Variants in SPATS2L observed in about 807,000 individuals in gnomAD.
The protein encoded by SPATS2L is spermatogenesis associated serine rich 2 like, also known as SPATS2-like protein.
Under a neutral mutation model 59.6 loss-of-function variants are expected in SPATS2L, and 30 were observed. That is an observed-to-expected ratio of 0.50 (90% CI 0.38 to 0.68). The LOEUF (loss-of-function observed/expected upper bound fraction) is 0.68. Ranked by LOEUF, SPATS2L falls within the 30% of genes least tolerant of loss-of-function variation. The pLI is 0.00. For synonymous variants in SPATS2L, 252 were observed against 263.5 expected (o/e 0.96, Z 0.42); for missense variants, 615 against 700.0 (o/e 0.88, Z 1.37).
chr2:200,480,776 CTG>C lies in SPATS2L; in HGVS notation c.*2747_*2748del, dbSNP rs1271991680. 6.6e-6 allele frequency: 1 copy of C among 152,252 alleles called. No homozygotes were observed. The highest frequency in any genetic ancestry group is 1.5e-5 in the Non-Finnish European group (1 of 68,050). The allele number at this position is 152,252 out of a possible 1,614,324, so 9.4% of individuals were successfully genotyped here. On this transcript the variant is annotated 3_prime_UTR_variant, in exon 13 of 13. Transcript: ENST00000409140. Reference sequence around the variant, plus strand: ...GTGCCAATGTCAGGCCGCTTAAACACTGTATTACATATCTTCATCTGTCTGGT... The same window carrying C: ...GTGCCAATGTCAGGCCGCTTAAACACTATTACATATCTTCATCTGTCTGGT...
At chr2:200,440,238 AC>A (rs2084603408) in intron 7 of SPATS2L, among the ~76,000 whole-genome samples, 1 of 151,926 alleles carries the variant, frequency 6.6e-6, no homozygotes, top group Admixed American at 6.6e-5. Flanking sequence ...TCTCATTTGT[AC>A]CTCTCCCAGT....
In SPATS2L at chr2:200,440,887, A is replaced by G. The variant is rs2084651593; in HGVS notation, c.788+103A>G. 3.8e-6 allele frequency: 5 copies of G among 1,315,386 alleles called. No homozygotes were observed. In the African/African-American group the frequency reaches 5.9e-5, roughly 15 times the overall value. 81.5% of individuals were successfully genotyped at this position (1,315,386 alleles called of 1,614,324 possible). On this transcript the variant is annotated intron_variant, in intron 8 of 12. Coordinates refer to ENST00000409140, the MANE Select transcript of SPATS2L (RefSeq NM_001100423.2). ...GTTGTTTATTTAATACATAAACATC[A>G]CAGAATAACTCTCCAGCAAATTTTG... is the stretch of plus-strand genomic sequence containing the variant.
chr2:200,411,014 C>CAT lies in SPATS2L; in HGVS notation c.40-1281_40-1280dup, dbSNP rs72177636. 1.0e-2 allele frequency among the ~76,000 whole-genome samples: 1,459 copies of CAT among 146,262 alleles called. 11 individuals carry two copies. The highest frequency in any genetic ancestry group is 0.014 in the Middle Eastern group (4 of 278). On this transcript the variant is annotated intron_variant, in intron 3 of 12. Transcript: ENST00000409140. ...TGTATGTGTGTGACTCACACACATA[C>CAT]ATATATATATATATATACATATATA...
chr2:200,306,381 G>C (rs1479966329), upstream of SPATS2L: 43 of 1,002,130 alleles, frequency 4.3e-5, no homozygotes, highest in Non-Finnish European at 4.8e-5. Context: ...GGAGGTTTGG[G>C]GAAAGGCGAG....
Position 200,433,474 on chromosome 2 carries a change from T to C in SPATS2L, c.446-5648T>C, listed in dbSNP as rs559776613. On this transcript the variant is annotated intron_variant, in intron 6 of 12. Transcript: ENST00000409140. ...AGTATGGTGTCTGAACACAGTAGAA[T>C]TGAATTAACAATAGCAATAAGATAA... 1.3e-3 allele frequency among the ~76,000 whole-genome samples: 205 copies of C among 152,214 alleles called. 5 individuals are homozygous for C. In the South Asian group the frequency reaches 0.042, roughly 31 times the overall value.
chr2:200,454,065 A>G (rs545425630), intron 8 of SPATS2L, among the ~76,000 whole-genome samples: 2 of 152,264 alleles, frequency 1.3e-5, no homozygotes, highest in Admixed American at 1.3e-4. Context: ...TACTTTCCCC[A>G]CAAGAAGGTT....
At chr2:200,366,554 G>A (rs1479880617) in intron 2 of SPATS2L, among the ~76,000 whole-genome samples, 1 of 152,140 alleles carries the variant, frequency 6.6e-6, no homozygotes, top group African/African-American at 2.4e-5. Context: ...AAAAAAGTCT[G>A]CAAATATTGA....
At chr2:200,412,489 T>G in intron 4 of SPATS2L, 70 bp downstream of exon 4, 1 of 835,396 alleles carries the variant, frequency 1.2e-6, no homozygotes, top group Non-Finnish European at 1.8e-6. Context: ...TATTTTTTCC[T>G]TAAATGAACT....
In SPATS2L at chr2:200,479,879, C is replaced by T. The variant is rs888218845; in HGVS notation, c.*1848C>T. The T allele has an allele frequency of 1.3e-5, 5 of 397,370 alleles. No individual in the cohort carries two copies. Among genetic ancestry groups the T allele is most frequent in the African/African-American group, 1.0e-4 (5 of 48,546 alleles). The allele number at this position is 397,370 out of a possible 1,614,324, so 24.6% of individuals were successfully genotyped here. ...GAGCTTTCTGAGGTCTCTGGGTGTA[C>T]CCAGAGATTTAATAGAAATTCTTAA... is the stretch of plus-strand genomic sequence containing the variant. On this transcript the variant is annotated 3_prime_UTR_variant, in exon 13 of 13. Coordinates refer to ENST00000409140, the MANE Select transcript of SPATS2L (RefSeq NM_001100423.2).
At position 200,478,047 on chromosome 2, in the gene SPATS2L, A is replaced by G. The variant is rs758166977; in HGVS notation, c.*16A>G. 2.0e-6 allele frequency: 3 copies of G among 1,524,198 alleles called. No homozygotes were observed. The highest frequency in any genetic ancestry group is 2.6e-6 in the Non-Finnish European group (3 of 1,137,858). 94.4% of individuals were successfully genotyped at this position (1,524,198 alleles called of 1,614,324 possible). ...GGTGGCCTGAGCTAGGAGGAAAAAG[A>G]GCAGTTTTCACTCAGTTTTGGTTCC... On this transcript the variant is annotated 3_prime_UTR_variant, in exon 13 of 13. Coordinates refer to ENST00000409140, the MANE Select transcript of SPATS2L (RefSeq NM_001100423.2).
At chr2:200,426,425 G>A (rs572537371) in intron 6 of SPATS2L, among the ~76,000 whole-genome samples, 21 of 152,236 alleles carry the variant, frequency 1.4e-4, no homozygotes, top group African/African-American at 5.1e-4. Flanking sequence ...ATATGAGCAT[G>A]CATTTTTGAA....
intron 12 of SPATS2L, among the ~76,000 whole-genome samples, chr2:200,473,697 A>T (rs2087257470): frequency 6.6e-6 from 1 of 152,070 alleles, no homozygotes; most frequent in Admixed American, 6.5e-5. Flanking sequence ...ATCCTTAGAG[A>T]ATTAACAAAA....
At chr2:200,367,518 G>A (rs894194907) in intron 2 of SPATS2L, among the ~76,000 whole-genome samples, 1 of 152,180 alleles carries the variant, frequency 6.6e-6, no homozygotes, top group Non-Finnish European at 1.5e-5. Context: ...AAGCCTAGAT[G>A]AAAATCTATA....
intron 6 of SPATS2L, among the ~76,000 whole-genome samples, chr2:200,435,857 A>G (rs886606345): frequency 6.6e-6 from 1 of 152,204 alleles, no homozygotes; most frequent in Non-Finnish European, 1.5e-5. Context: ...TAAAAAGTGT[A>G]AACAGGTGAA....
chr2:200,471,449 CCCTTCACCT>C (rs1452619029), intron 11 of SPATS2L, among the ~76,000 whole-genome samples: 2 of 151,554 alleles, frequency 1.3e-5, no homozygotes, highest in Non-Finnish European at 2.9e-5. Context: ...GGAGAGGTGC[CCCTTCACCT>C]CCTTTCCTCC....
intron 6 of SPATS2L, among the ~76,000 whole-genome samples, chr2:200,429,018 A>AT (rs1401025725): frequency 1.3e-5 from 2 of 152,174 alleles, no homozygotes; most frequent in Non-Finnish European, 2.9e-5. Flanking sequence ...CAAAACACAA[A>AT]TCTGACCTCT....
intron 2 of SPATS2L, among the ~76,000 whole-genome samples, chr2:200,338,126 G>A (rs1302931494): frequency 1.3e-5 from 2 of 152,168 alleles, no homozygotes; most frequent in Non-Finnish European, 2.9e-5. Context: ...CTGGGCTCAC[G>A]TGATCCTCCC....
intron 3 of SPATS2L, among the ~76,000 whole-genome samples, chr2:200,402,930 A>G (rs114757903): frequency 0.012 from 1,789 of 152,338 alleles, 12 homozygotes; most frequent in Non-Finnish European, 0.017. Context: ...ATGGGGCAAA[A>G]TGCAAGGTTC....
upstream of SPATS2L, chr2:200,306,354 G>C (rs571644802): frequency 5.0e-6 from 5 of 1,002,388 alleles, no homozygotes; most frequent in East Asian, 2.3e-4. Flanking sequence ...CATTAACAAG[G>C]GGAGTTTCGG....
Sources: gnomAD v4.1 joint callset for allele counts (sites outside exome capture counted in the v4.1 genomes callset) on GRCh38, gnomAD v4.1.1 for gene constraint, MANE v1.5 for transcripts, NCBI Gene and HGNC (gene_info 2026-07-23, HGNC 2026-07-21) for gene names.